The following ADGRL2 variants were observed in gnomAD, a reference collection of about 807,000 sequenced individuals.
ADGRL2 encodes the protein calcium-independent alpha-latrotoxin receptor 2.
A neutral mutation model predicts 157.4 loss-of-function variants in ADGRL2; 44 were observed. That is an observed-to-expected ratio of 0.28 (90% CI 0.22 to 0.36). The LOEUF is 0.36. Among genes scored for constraint, ADGRL2 ranks in the 10% least tolerant of loss-of-function variants. ADGRL2 has a pLI of 1.00. For missense variants in ADGRL2, 1,510 were observed against 1,768.9 expected (o/e 0.85, Z 2.63); for synonymous variants, 585 against 624.7 (o/e 0.94, Z 0.95).
chr1:81,601,160 T>C (rs952530291), intron 3 of ADGRL2, among the ~76,000 whole-genome samples: 2 of 152,228 alleles, frequency 1.3e-5, no homozygotes, highest in African/African-American at 4.8e-5. Context: ...AAATAAATCA[T>C]TAAGTAGCAT....
At chr1:81,980,019 C>T (rs1170692674) in intron 18 of ADGRL2, 59 bp downstream of exon 18, 2 of 877,538 alleles carry the variant, frequency 2.3e-6, no homozygotes, top group Non-Finnish European at 3.7e-6. Context: ...ATACTCTCCA[C>T]AGGGAACACA....
At chr1:81,584,088 C>T (rs576295845) in intron 3 of ADGRL2, among the ~76,000 whole-genome samples, 1 of 152,130 alleles carries the variant, frequency 6.6e-6, no homozygotes, top group African/African-American at 2.4e-5. Context: ...AAGAGTGCCT[C>T]CTTCAGAATT....
At chr1:81,764,807 C>G (rs111745281) in intron 2 of ADGRL2, among the ~76,000 whole-genome samples, 2,710 of 151,838 alleles carry the variant, frequency 0.018, 75 homozygotes, top group African/African-American at 0.062. Context: ...TCTTTCTAGA[C>G]CAAGAATTTT....
intron 10 of ADGRL2, 198 bp from the exon 11 acceptor site, chr1:81,955,679 T>C (rs1442596938): frequency 2.4e-6 from 1 of 412,984 alleles, no homozygotes; most frequent in African/African-American, 2.1e-5. Context: ...TCTGTTAATC[T>C]TCAGTCAGTC....
At chr1:81,807,414 A>T (rs1189601741) in intron 1 of ADGRL2, among the ~76,000 whole-genome samples, 1 of 151,990 alleles carries the variant, frequency 6.6e-6, no homozygotes, top group African/African-American at 2.4e-5. Context: ...AAGGTTGAAA[A>T]GTATTTAATC....
chr1:81,627,464 T>C, intron 3 of ADGRL2, among the ~76,000 whole-genome samples: 1 of 152,188 alleles, frequency 6.6e-6, no homozygotes, highest in East Asian at 1.9e-4. Flanking sequence ...ATAATACTAA[T>C]AATAGCTATC....
intron 1 of ADGRL2, among the ~76,000 whole-genome samples, chr1:81,420,337 T>C (rs1040518127): frequency 1.3e-5 from 2 of 152,364 alleles, no homozygotes. Flanking sequence ...TTGTTTTAAG[T>C]AGTTCATCTA....
At chr1:81,593,211 A>G (rs1043720680) in intron 3 of ADGRL2, among the ~76,000 whole-genome samples, 29 of 152,196 alleles carry the variant, frequency 1.9e-4, no homozygotes, top group African/African-American at 6.8e-4. Flanking sequence ...AGCAATTACA[A>G]GAAATATGTG....
intron 1 of ADGRL2, among the ~76,000 whole-genome samples, chr1:81,807,951 TTTATTA>T (rs977668842): frequency 1.3e-5 from 2 of 151,770 alleles, no homozygotes; most frequent in Non-Finnish European, 2.9e-5. Context: ...AAAAGCTTAT[TTTATTA>T]TTATTATTTT....
At chr1:81,885,200 C>CT (rs1405666984) in intron 2 of ADGRL2, among the ~76,000 whole-genome samples, 1 of 152,078 alleles carries the variant, frequency 6.6e-6, no homozygotes, top group Non-Finnish European at 1.5e-5. Flanking sequence ...TTGGCAATGT[C>CT]TTTACTGTTA....
intron 3 of ADGRL2, among the ~76,000 whole-genome samples, chr1:81,924,592 C>A (rs1258517546): frequency 6.6e-6 from 1 of 151,920 alleles, no homozygotes; most frequent in East Asian, 1.9e-4. Context: ...CAATCAGATT[C>A]TCTGGGCCTT....
chr1:81,336,018 T>C (rs1661617563), intron 1 of ADGRL2, among the ~76,000 whole-genome samples: 1 of 152,208 alleles, frequency 6.6e-6, no homozygotes, highest in South Asian at 2.1e-4. Context: ...CTGTTTTAAG[T>C]GCAAGGCTGC....
chr1:81,887,530 C>A (rs551911462), intron 2 of ADGRL2, among the ~76,000 whole-genome samples: 2 of 152,102 alleles, frequency 1.3e-5, no homozygotes, highest in South Asian at 4.2e-4. Flanking sequence ...CTTAAGGGTA[C>A]ATTGTTTTGA....
At chr1:81,846,483 A>G (rs972735507) in intron 2 of ADGRL2, among the ~76,000 whole-genome samples, 2 of 151,588 alleles carry the variant, frequency 1.3e-5, no homozygotes, top group African/African-American at 4.8e-5. Flanking sequence ...AAACATAAAG[A>G]ATTTCCTGGA....
chr1:81,722,018 C>A (rs551186269), intron 1 of ADGRL2: 231 of 464,056 alleles, frequency 5.0e-4, no homozygotes, highest in Non-Finnish European at 8.3e-4. Flanking sequence ...TAGGACCAGG[C>A]GCGGTGACTC....
At chr1:81,747,698 T>C (rs1222479378) in intron 1 of ADGRL2, among the ~76,000 whole-genome samples, 1 of 91,862 alleles carries the variant, frequency 1.1e-5, no homozygotes, top group East Asian at 2.1e-4. Flanking sequence ...TTTCCTTTAA[T>C]GTTTGTGTGT....
intron 3 of ADGRL2, among the ~76,000 whole-genome samples, chr1:81,920,745 A>C (rs1334732942): frequency 6.6e-6 from 1 of 152,030 alleles, no homozygotes; most frequent in Non-Finnish European, 1.5e-5. Flanking sequence ...AGCACTCCCA[A>C]TAAGCCTCTG....
In ADGRL2 at chr1:81,967,462, T is replaced by C. The variant is rs762190901; in HGVS notation, c.2350-564T>C. Reference sequence around the variant, plus strand: ...ATTTTTAGTAGAGACGGGGTTTCACTGTGTTAGCCAGGATGGTCTCGATCT... The same window carrying C: ...ATTTTTAGTAGAGACGGGGTTTCACCGTGTTAGCCAGGATGGTCTCGATCT... On this transcript the variant is annotated intron_variant, in intron 13 of 23. Transcript: ENST00000686636. Among the ~76,000 whole-genome samples the C allele has an allele frequency of 4.6e-5, 7 of 151,962 alleles. No homozygotes were observed. The East Asian group carries it at 5.8e-4, about 13-fold the overall frequency.
At chr1:81,434,155 A>T (rs1286628142) in intron 1 of ADGRL2, among the ~76,000 whole-genome samples, 2 of 152,208 alleles carry the variant, frequency 1.3e-5, no homozygotes, top group Non-Finnish European at 2.9e-5. Context: ...ATTAGACTCC[A>T]CATCTCAATC....
Sources: gnomAD v4.1 joint callset for allele counts (sites outside exome capture counted in the v4.1 genomes callset) on GRCh38, gnomAD v4.1.1 for gene constraint, MANE v1.5 for transcripts, NCBI Gene and HGNC (gene_info 2026-07-23, HGNC 2026-07-21) for gene names.